LARGE1: variants seen among roughly 807,000 people sequenced by gnomAD.
The protein encoded by LARGE1 is LARGE xylosyl- and glucuronyltransferase 1, also known as xylosyl- and glucuronyltransferase LARGE1.
A neutral mutation model predicts 87.6 loss-of-function variants in LARGE1; 43 were observed. That is an observed-to-expected ratio of 0.49 (90% CI 0.38 to 0.63). The LOEUF (loss-of-function observed/expected upper bound fraction) is 0.63. LARGE1 is among the 30% of genes least tolerant of loss of function. The pLI is 0.00. For missense variants in LARGE1, 802 were observed against 1,000.2 expected (o/e 0.80, Z 2.67); for synonymous variants, 434 against 394.6 (o/e 1.10, Z -1.18).
chr22:33,734,694 C>T (rs1033596737), intron 2 of LARGE1, among the ~76,000 whole-genome samples: 12 of 152,148 alleles, frequency 7.9e-5, no homozygotes, highest in African/African-American at 2.2e-4. Flanking sequence ...CTTCTCTTTC[C>T]TAATAATCCT....
At chr22:33,141,169 A>ATCTCTCTCTC in the LARGE1 span, among the ~76,000 whole-genome samples, 2 of 143,876 alleles carry the variant, frequency 1.4e-5, no homozygotes, top group African/African-American at 2.6e-5. Context: ...TATTCTCAGA[A>ATCTCTCTCTC]TCTCTCTCTC....
intron 1 of LARGE1, among the ~76,000 whole-genome samples, chr22:33,878,231 G>C (rs2064545557): frequency 9.5e-6 from 1 of 104,792 alleles, no homozygotes; most frequent in Non-Finnish European, 1.9e-5. Flanking sequence ...TCCACCTTCT[G>C]GTTTCAAGTG....
rs1395302661 is a variant in LARGE1, at chr22:33,304,286, T to A, written c.1673A>T (p.Tyr558Phe). 6.2e-7 allele frequency: 1 copy of A among 1,614,264 alleles called. No individual in the cohort carries two copies. The highest frequency in any genetic ancestry group is 2.2e-5 in the East Asian group (1 of 44,884). ...NVAMKHISTPYMFLSDIDFLP... is the reference protein window; with the variant it reads ...NVAMKHISTPFMFLSDIDFLP... Reference sequence around the variant, plus strand: ...GAAGTCAATGTCAGACAGGAACATGTAGGGAGTGCTGATGTGCTTCATGGC... The same window carrying A: ...GAAGTCAATGTCAGACAGGAACATGAAGGGAGTGCTGATGTGCTTCATGGC... Residue 558 changes from tyrosine to phenylalanine, a missense_variant, in exon 12 of 15, where the codon TAC becomes TTC. Transcript: ENST00000397394.
At chr22:33,212,362 C>T (rs765228956) in intron 11 of LARGE1, among the ~76,000 whole-genome samples, 4 of 152,178 alleles carry the variant, frequency 2.6e-5, no homozygotes, top group Admixed American at 6.5e-5. Context: ...ATAAATGGAA[C>T]AACAAGCCTG....
intron 6 of LARGE1, among the ~76,000 whole-genome samples, chr22:33,439,162 C>T (rs971913869): frequency 2.0e-5 from 3 of 150,446 alleles, no homozygotes; most frequent in East Asian, 2.0e-4. Flanking sequence ...TGCAGTGAAC[C>T]GAGACTGCGC....
At chr22:33,620,338 CTAAA>C (rs1186402645) in intron 4 of LARGE1, among the ~76,000 whole-genome samples, 1 of 152,158 alleles carries the variant, frequency 6.6e-6, no homozygotes, top group East Asian at 1.9e-4. Context: ...CACTTAGTTG[CTAAA>C]TAAATATTTC....
chr22:33,306,271 T>C (rs1001784283), intron 11 of LARGE1, among the ~76,000 whole-genome samples: 1 of 152,242 alleles, frequency 6.6e-6, no homozygotes, highest in Admixed American at 6.5e-5. Flanking sequence ...GAATTATGCC[T>C]CCTGCACCTG....
intron 7 of LARGE1, among the ~76,000 whole-genome samples, chr22:33,406,146 C>G (rs974117801): frequency 6.6e-6 from 1 of 152,074 alleles, no homozygotes; most frequent in African/African-American, 2.4e-5. Flanking sequence ...GTCTCCAGAC[C>G]TAAAGCAAGT....
chr22:33,651,544 C>T (rs2080819472), intron 2 of LARGE1, among the ~76,000 whole-genome samples: 2 of 152,178 alleles, frequency 1.3e-5, no homozygotes, highest in South Asian at 2.1e-4. Flanking sequence ...AGATATCCTT[C>T]CACATATTCC....
At chr22:33,315,044 C>T (rs938200316) in intron 11 of LARGE1, among the ~76,000 whole-genome samples, 7 of 152,278 alleles carry the variant, frequency 4.6e-5, no homozygotes, top group Admixed American at 4.6e-4. Context: ...TCTGTCTCTA[C>T]TAAAAATACA....
chr22:33,613,479 T>G lies in LARGE1; in HGVS notation c.492-8921A>C, dbSNP rs5999034. Among the ~76,000 whole-genome samples the G allele has an allele frequency of 1.3e-4, 20 of 152,272 alleles. No individual in the cohort carries two copies. In the South Asian group the frequency reaches 1.5e-3, roughly 11 times the overall value. On this transcript the variant is annotated intron_variant, in intron 4 of 14. Transcript: ENST00000397394. The stretch of plus-strand genomic sequence containing the variant: ...GAATCAAGAAGCACCCAATTACAAT[T>G]CTACTACACACAAGTTTCTTCTATT...
At chr22:33,527,503 G>C (rs1394732215) in intron 6 of LARGE1, among the ~76,000 whole-genome samples, 1 of 152,158 alleles carries the variant, frequency 6.6e-6, no homozygotes, top group Non-Finnish European at 1.5e-5. Context: ...TTGGTGGGTG[G>C]CACTCGGATG....
At chr22:33,625,478 C>T (rs2079892739) in intron 4 of LARGE1, among the ~76,000 whole-genome samples, 1 of 152,188 alleles carries the variant, frequency 6.6e-6, no homozygotes, top group Non-Finnish European at 1.5e-5. Flanking sequence ...AGATCATCCG[C>T]AGGTTGGGAA....
At chr22:33,389,610 T>G (rs2065444542) in intron 7 of LARGE1, among the ~76,000 whole-genome samples, 1 of 152,178 alleles carries the variant, frequency 6.6e-6, no homozygotes, top group South Asian at 2.1e-4. Flanking sequence ...TTTGGGAGGC[T>G]GAGGCTGGCG....
the LARGE1 span, among the ~76,000 whole-genome samples, chr22:33,097,670 C>T: frequency 6.6e-6 from 1 of 152,132 alleles, no homozygotes; most frequent in African/African-American, 2.4e-5. Context: ...TATTAAGAGA[C>T]CTTTGTTATC....
chr22:33,468,344 C>G (rs2068699951), intron 6 of LARGE1, among the ~76,000 whole-genome samples: 1 of 152,156 alleles, frequency 6.6e-6, no homozygotes, highest in Non-Finnish European at 1.5e-5. Flanking sequence ...AGTGATGCCT[C>G]TAGTCCCAGT....
At chr22:33,539,882 C>T (rs1279023804) in intron 6 of LARGE1, among the ~76,000 whole-genome samples, 1 of 152,046 alleles carries the variant, frequency 6.6e-6, no homozygotes, top group East Asian at 1.9e-4. Context: ...ACCCGGCCCT[C>T]TAATCTCTTA....
At chr22:33,684,798 A>AG (rs965377533) in intron 2 of LARGE1, among the ~76,000 whole-genome samples, 10 of 152,182 alleles carry the variant, frequency 6.6e-5, no homozygotes, top group Admixed American at 2.0e-4. Flanking sequence ...TCCATCAAAA[A>AG]GGGGGTGTGT....
chr22:33,352,632 G>A (rs1342044612), intron 9 of LARGE1, among the ~76,000 whole-genome samples: 5 of 151,972 alleles, frequency 3.3e-5, no homozygotes, highest in African/African-American at 7.3e-5. Context: ...GGTAGCAGGC[G>A]CCTGTAATCC....
Sources: allele counts gnomAD v4.1 joint callset (sites outside exome capture counted in the v4.1 genomes callset), GRCh38; gene constraint gnomAD v4.1.1; transcripts MANE v1.5; gene names NCBI Gene and HGNC (gene_info 2026-07-23, HGNC 2026-07-21).